SCML2: variants seen among roughly 807,000 people sequenced by gnomAD.
SCML2 encodes the protein Scm polycomb group protein like 2, also known as sex comb on midleg-like protein 2.
SCML2 carries 6 observed loss-of-function variants against 48.4 expected under a neutral mutation model. The observed-to-expected ratio is 0.12, with a 90% CI of 0.07 to 0.24. The LOEUF (loss-of-function observed/expected upper bound fraction) is 0.24. Among genes scored for constraint, SCML2 ranks in the 10% least tolerant of loss-of-function variants. The pLI, the probability that SCML2 is intolerant of heterozygous loss-of-function variation, is 1.00. For synonymous variants in SCML2, 181 were observed against 189.5 expected, an observed-to-expected ratio of 0.95 and a Z score of 0.37; for missense variants, 377 against 528.2, an observed-to-expected ratio of 0.71 and a Z score of 2.81.
chrX:18,323,895 A>T lies in SCML2; in HGVS notation c.361T>A (p.Cys121Ser). Residue 121 changes from cysteine to serine, a missense_variant, in exon 5 of 15, where the codon TGT becomes AGT. By Grantham distance (112) the Cys-to-Ser change is moderately radical. Transcript: ENST00000251900. ...TGAAGTAAGTCTCCTTCCTTTTCAC[A>T]TGTCCCAACAGGTTGTATGTCTGGG... ...DSPDIQPVGT[C>S]EKEGDLLQPP... The T allele has an allele frequency of 8.3e-7, 1 of 1,210,509 alleles. No individual in the cohort carries two copies. Among genetic ancestry groups the T allele is most frequent in the East Asian group, 3.0e-5 (1 of 33,839 alleles).
At position 18,247,694 on chromosome X, in the gene SCML2, C is replaced by G. The variant is rs1413163673; in HGVS notation, c.1570+75G>C. The G allele has an allele frequency of 1.2e-5, 9 of 777,354 alleles. No homozygotes were observed. In the Admixed American group the frequency reaches 2.7e-4, roughly 23 times the overall value. The allele number at this position is 777,354 out of a possible 1,213,427, so 64.1% of individuals were successfully genotyped here. ...ATTTACCTCCCTACCTCCAATACTA[C>G]CACCCCAAGAGTATACATAAGTGGT... On this transcript the variant is annotated intron_variant, in intron 12 of 14. Transcript: ENST00000251900.
At chrX:18,350,644 C>T (rs2147575967) in intron 1 of SCML2, among the ~76,000 whole-genome samples, 1 of 108,920 alleles carries the variant, frequency 9.2e-6, no homozygotes, top group African/African-American at 3.3e-5. Flanking sequence ...ACTGGGAAGG[C>T]TGAGGCAGGA....
At chrX:18,325,516 T>C (rs992495638) in intron 3 of SCML2, among the ~76,000 whole-genome samples, 4 of 111,440 alleles carry the variant, frequency 3.6e-5, no homozygotes, top group African/African-American at 1.3e-4. Flanking sequence ...CTATTCAGAG[T>C]GTCAAGAAGA....
rs189330296 is a variant in SCML2 at position 18,301,948 on chromosome X, A to G, written c.730+3024T>C. ...AGACTTTCCTTCTCTTGAGTTTTCT[A>G]AGTTATGTTTGATGGTGGAAGCAAA... On this transcript the variant is annotated intron_variant, in intron 7 of 14. Coordinates refer to ENST00000251900, the MANE Select transcript of SCML2 (RefSeq NM_006089.3). Among the ~76,000 whole-genome samples, 978 of 111,588 alleles carry G rather than the reference A, an allele frequency of 8.8e-3. 10 individuals are homozygous for G. The highest frequency in any genetic ancestry group is 0.03 in the African/African-American group (925 of 30,736).
At chrX:18,316,944 T>C (rs1180440848) in intron 6 of SCML2, among the ~76,000 whole-genome samples, 1 of 112,089 alleles carries the variant, frequency 8.9e-6, no homozygotes, top group African/African-American at 3.2e-5. Flanking sequence ...CACCCCTCCA[T>C]CCATGGGAAA....
intron 7 of SCML2, among the ~76,000 whole-genome samples, chrX:18,281,449 G>A (rs968568974): frequency 7.2e-5 from 8 of 111,886 alleles, no homozygotes; most frequent in East Asian, 2.8e-4. Flanking sequence ...CAGTGACTCC[G>A]GCCTGTAGTC....
intron 5 of SCML2, among the ~76,000 whole-genome samples, chrX:18,322,631 C>T (rs1929356353): frequency 8.9e-6 from 1 of 111,960 alleles, no homozygotes; most frequent in Admixed American, 9.5e-5. Flanking sequence ...CAGTGGCTCA[C>T]GCCTGTAATC....
At chrX:18,284,757 G>A (rs56004307) in intron 7 of SCML2, among the ~76,000 whole-genome samples, 24,110 of 111,572 alleles carry the variant, frequency 0.22, 1,989 homozygotes, top group Middle Eastern at 0.34. Context: ...AACAACAGAC[G>A]TGGCCGGGTG....
chrX:18,242,706 A>G, intron 13 of SCML2, 116 bp from the exon 14 acceptor site: 2 of 779,343 alleles, frequency 2.6e-6, no homozygotes, highest in Non-Finnish European at 1.8e-6. Flanking sequence ...AAGTTCCCCA[A>G]CAAGGTCTCA....
chrX:18,273,525 C>T (rs753979207), intron 7 of SCML2, among the ~76,000 whole-genome samples: 4 of 111,812 alleles, frequency 3.6e-5, no homozygotes, highest in South Asian at 3.8e-4. Context: ...TCCTTGTATG[C>T]TTCCTCCCTC....
intron 11 of SCML2, among the ~76,000 whole-genome samples, chrX:18,252,314 A>C (rs1294548090): frequency 1.8e-5 from 2 of 112,844 alleles, no homozygotes; most frequent in East Asian, 2.8e-4. Flanking sequence ...CATTATGCTA[A>C]GTGAAAGAAG....
chrX:18,304,514 A>C (rs1928695790), intron 7 of SCML2, among the ~76,000 whole-genome samples: 1 of 112,336 alleles, frequency 8.9e-6, no homozygotes, highest in Non-Finnish European at 1.9e-5. Context: ...ACTTAAGGCT[A>C]TCAAAGTGTC....
intron 6 of SCML2, among the ~76,000 whole-genome samples, chrX:18,319,601 AAAAAAAC>A (rs1929247041): frequency 9.2e-6 from 1 of 108,320 alleles, no homozygotes; most frequent in African/African-American, 3.4e-5. Flanking sequence ...GTCTCAAAAA[AAAAAAAC>A]AAAAAAAAAA....
intron 8 of SCML2, among the ~76,000 whole-genome samples, chrX:18,264,495 C>T (rs1349041559): frequency 9.7e-6 from 1 of 103,430 alleles, no homozygotes; most frequent in East Asian, 3.0e-4. Flanking sequence ...GTAATGTCAT[C>T]GAAGACCAGT....
intron 6 of SCML2, among the ~76,000 whole-genome samples, chrX:18,308,541 A>C (rs146339279): frequency 0.039 from 4,387 of 111,944 alleles, 230 homozygotes; most frequent in African/African-American, 0.13. Flanking sequence ...TCTCAAAAGA[A>C]GACACAGAAA....
chrX:18,301,730 T>C (rs1029532267), intron 7 of SCML2, among the ~76,000 whole-genome samples: 1 of 111,447 alleles, frequency 9.0e-6, no homozygotes, highest in Admixed American at 9.6e-5. Flanking sequence ...TGAGCCATGA[T>C]TGCACCACTG....
At chrX:18,303,979 T>C (rs1283258439) in intron 7 of SCML2, among the ~76,000 whole-genome samples, 3 of 112,636 alleles carry the variant, frequency 2.7e-5, no homozygotes, top group Non-Finnish European at 5.6e-5. Flanking sequence ...TAAAAATAAA[T>C]ATACTTAGTA....
chrX:18,259,076 C>A (rs1926964658), intron 9 of SCML2, among the ~76,000 whole-genome samples: 1 of 110,869 alleles, frequency 9.0e-6, no homozygotes, highest in Non-Finnish European at 1.9e-5. Flanking sequence ...CCAGCCTGGC[C>A]AACATAGTGA....
chrX:18,255,301 A>G lies in SCML2; in HGVS notation c.1456+1547T>C, dbSNP rs1602079611. ...TTTGCAGATAAGGAAACTGAGAACT[A>G]GAGAGGCTCAGTACTTTGTCTATGG... On this transcript the variant is annotated intron_variant, in intron 11 of 14. Coordinates refer to ENST00000251900, the MANE Select transcript of SCML2 (RefSeq NM_006089.3). Among the ~76,000 whole-genome samples, 4 of 112,159 alleles carry G rather than the reference A, an allele frequency of 3.6e-5. No individual in the cohort carries two copies. The South Asian group carries it at 1.5e-3, about 42-fold the overall frequency.
Sources: gnomAD v4.1 joint callset for allele counts (sites outside exome capture counted in the v4.1 genomes callset) on GRCh38, gnomAD v4.1.1 for gene constraint, MANE v1.5 for transcripts, NCBI Gene and HGNC (gene_info 2026-07-23, HGNC 2026-07-21) for gene names.